PTPRD: variants seen among roughly 807,000 people sequenced by gnomAD.
PTPRD encodes protein tyrosine phosphatase receptor type D.
Under a neutral mutation model 214.5 loss-of-function variants are expected in PTPRD, and 34 were observed. That is an observed-to-expected ratio of 0.16 (90% confidence interval 0.12 to 0.21). The LOEUF is 0.21. Among genes scored for constraint, PTPRD ranks in the 10% least tolerant of loss-of-function variants. The probability of loss-of-function intolerance (pLI) is 1.00; values close to 1 mark genes in which losing one functional copy is unlikely to be tolerated. For synonymous variants in PTPRD, 1,128 were observed against 845.7 expected (o/e 1.33, Z -5.79); for missense variants, 2,545 against 2,398.7 (o/e 1.06, Z -1.27).
chr9:9,088,841 G>C lies in PTPRD; in HGVS notation c.-142-70106C>G, dbSNP rs548071950. 1.1e-3 allele frequency among the ~76,000 whole-genome samples: 172 copies of C among 152,178 alleles called. 1 individual carries two copies. The highest frequency in any genetic ancestry group is 4.0e-3 in the African/African-American group (168 of 41,528). On this transcript the variant is annotated intron_variant, in intron 10 of 45. Transcript: ENST00000381196. ...TTGACCCTGTCACTTCATAGCTATA[G>C]TTTAGCAAGTTACTTAATGTCTGTA... is the stretch of plus-strand genomic sequence containing the variant.
At chr9:8,595,636 G>A (rs773750506) in intron 14 of PTPRD, among the ~76,000 whole-genome samples, 1 of 152,146 alleles carries the variant, frequency 6.6e-6, no homozygotes, top group Non-Finnish European at 1.5e-5. Context: ...AGAAAGTTTA[G>A]TTTTGTCTTA....
rs139066201 is a variant in PTPRD at position 10,287,737 on chromosome 9, C to T, written c.-545+53226G>A. 5.2e-3 allele frequency among the ~76,000 whole-genome samples: 794 copies of T among 152,202 alleles called. 8 individuals carry two copies. The highest frequency in any genetic ancestry group is 0.018 in the African/African-American group (749 of 41,526). On this transcript the variant is annotated intron_variant, in intron 3 of 45. Transcript: ENST00000381196. The stretch of plus-strand genomic sequence containing the variant: ...ATATTGCTATGCACTCTCTCTCCCA[C>T]CTTTGATCTCCTTTCCTTTCTTCTT...
At chr9:8,766,077 G>A (rs1455259906) in intron 11 of PTPRD, among the ~76,000 whole-genome samples, 1 of 151,548 alleles carries the variant, frequency 6.6e-6, no homozygotes, top group African/African-American at 2.4e-5. Context: ...CATTGGTAGT[G>A]TCCATACCAA....
In PTPRD at chr9:9,986,193, G is replaced by A. The variant is rs145765263; in HGVS notation, c.-472+47525C>T. On this transcript the variant is annotated intron_variant, in intron 4 of 45. Transcript: ENST00000381196. Reference sequence around the variant, plus strand: ...AAATTGGTACAAAGTTCTGTAGAACGCTCCAGAATGCCGAAAGTTTTAAAA... The same window carrying A: ...AAATTGGTACAAAGTTCTGTAGAACACTCCAGAATGCCGAAAGTTTTAAAA... Among the ~76,000 whole-genome samples the A allele has an allele frequency of 2.5e-3, 374 of 152,180 alleles. 1 individual carries two copies. Among genetic ancestry groups the A allele is most frequent in the Non-Finnish European group, 3.8e-3 (259 of 67,982 alleles).
intron 3 of PTPRD, among the ~76,000 whole-genome samples, chr9:10,034,792 T>A (rs2097148307): frequency 1.3e-5 from 2 of 152,200 alleles, no homozygotes; most frequent in African/African-American, 4.8e-5. Flanking sequence ...TATTCCATGA[T>A]ATATATGTAA....
chr9:8,427,693 AT>A (rs34583757), intron 35 of PTPRD, among the ~76,000 whole-genome samples: 3 of 150,364 alleles, frequency 2.0e-5, no homozygotes, highest in East Asian at 2.0e-4. Context: ...TATTATTATT[AT>A]TTTTTTTTAC....
Position 10,329,578 on chromosome 9 carries a change from G to C in PTPRD, c.-545+11385C>G, listed in dbSNP as rs550315303. Among the ~76,000 whole-genome samples, 13 of 151,860 alleles carry C rather than the reference G, an allele frequency of 8.6e-5. No homozygotes were observed. The South Asian group carries it at 2.5e-3, about 29-fold the overall frequency. On this transcript the variant is annotated intron_variant, in intron 3 of 45. Coordinates refer to ENST00000381196, the MANE Select transcript of PTPRD (RefSeq NM_002839.4). ...CTTTTGATTAGAAACAACTTAATCA[G>C]TACATCGCATGCTTAATGTCTTGTG...
At chr9:8,794,429 A>G (rs1284282588) in intron 11 of PTPRD, among the ~76,000 whole-genome samples, 4 of 152,180 alleles carry the variant, frequency 2.6e-5, no homozygotes, top group Admixed American at 2.0e-4. Flanking sequence ...CTACTTTGAA[A>G]GAATTCCAAA....
intron 7 of PTPRD, among the ~76,000 whole-genome samples, chr9:9,677,348 G>A (rs952897360): frequency 1.1e-4 from 16 of 151,824 alleles, no homozygotes; most frequent in Non-Finnish European, 2.1e-4. Flanking sequence ...TCTACATATG[G>A]CTAGCCAGTT....
chr9:9,755,885 T>A (rs754716977), intron 6 of PTPRD, among the ~76,000 whole-genome samples: 94 of 152,028 alleles, frequency 6.2e-4, no homozygotes, highest in Non-Finnish European at 1.1e-3. Context: ...ACATATAATT[T>A]TATATTTTAA....
At chr9:10,450,710 T>C (rs1038355682) in intron 2 of PTPRD, among the ~76,000 whole-genome samples, 3 of 152,016 alleles carry the variant, frequency 2.0e-5, no homozygotes, top group Non-Finnish European at 4.4e-5. Context: ...TTTGTAGTCA[T>C]TATTTAAAAC....
intron 3 of PTPRD, among the ~76,000 whole-genome samples, chr9:10,094,535 C>T (rs199710266): frequency 1.9e-4 from 18 of 96,994 alleles, no homozygotes; most frequent in East Asian, 7.4e-4. Flanking sequence ...TTTTTTCTTT[C>T]TTTCTTTTTT....
intron 10 of PTPRD, among the ~76,000 whole-genome samples, chr9:9,064,049 G>C (rs571120810): frequency 6.6e-6 from 1 of 152,062 alleles, no homozygotes; most frequent in African/African-American, 2.4e-5. Context: ...TATCAGCTGA[G>C]TGCTTTAATC....
At chr9:9,022,027 G>T (rs118180698) in intron 10 of PTPRD, among the ~76,000 whole-genome samples, 4,700 of 151,958 alleles carry the variant, frequency 0.031, 82 homozygotes, top group East Asian at 0.067. Flanking sequence ...AATGCATGCG[G>T]GGCTTAAAAC....
intron 3 of PTPRD, among the ~76,000 whole-genome samples, chr9:10,269,113 G>T (rs1029743446): frequency 6.6e-6 from 1 of 152,076 alleles, no homozygotes; most frequent in African/African-American, 2.4e-5. Context: ...CCATCCAAAA[G>T]ATTTTCACTC....
At chr9:8,677,917 G>T (rs75928542) in intron 12 of PTPRD, among the ~76,000 whole-genome samples, 9 of 152,000 alleles carry the variant, frequency 5.9e-5, no homozygotes, top group Admixed American at 4.6e-4. Context: ...TTTGATCTGT[G>T]GGGGGTCTTG....
intron 5 of PTPRD, among the ~76,000 whole-genome samples, chr9:9,775,787 G>C (rs915042968): frequency 1.3e-5 from 2 of 151,696 alleles, no homozygotes; most frequent in Admixed American, 1.3e-4. Flanking sequence ...ACTGAAAATA[G>C]AAAACAAACA....
At chr9:9,455,047 C>G (rs1569568481) in intron 8 of PTPRD, among the ~76,000 whole-genome samples, 2 of 151,494 alleles carry the variant, frequency 1.3e-5, no homozygotes, top group African/African-American at 2.4e-5. Context: ...ATCCCCATTT[C>G]CTGATAAGAA....
chr9:9,962,324 G>C (rs912404964), intron 4 of PTPRD, among the ~76,000 whole-genome samples: 3 of 151,960 alleles, frequency 2.0e-5, no homozygotes, highest in Admixed American at 6.6e-5. Flanking sequence ...TTAAGTTATA[G>C]AGAAACACAA....
Sources: allele counts gnomAD v4.1 joint callset (sites outside exome capture counted in the v4.1 genomes callset), GRCh38; gene constraint gnomAD v4.1.1; transcripts MANE v1.5; gene names NCBI Gene and HGNC (gene_info 2026-07-23, HGNC 2026-07-21).